The following PARD3 variants were observed in gnomAD, a reference collection of about 807,000 sequenced individuals.
PARD3 encodes the protein par-3 family cell polarity regulator, also known as partitioning defective 3 homolog.
Under a neutral mutation model 155.4 loss-of-function variants are expected in PARD3, and 75 were observed. The ratio of observed to expected loss-of-function variants is 0.48; its 90% CI spans 0.40 to 0.58. The LOEUF is 0.58. Among genes scored for constraint, PARD3 ranks in the 20% least tolerant of loss-of-function variants. PARD3 has a pLI of 0.00. For synonymous variants in PARD3, 576 were observed against 610.5 expected, an observed-to-expected ratio of 0.94 and a Z score of 0.83; for missense variants, 1,642 against 1,721.7, an observed-to-expected ratio of 0.95 and a Z score of 0.82.
intron 1 of PARD3, among the ~76,000 whole-genome samples, chr10:34,697,096 A>T (rs1407240996): frequency 3.1e-5 from 3 of 98,310 alleles, no homozygotes; most frequent in Non-Finnish European, 7.7e-5. Flanking sequence ...AGTGGGATTG[A>T]GGAGAAGGAA....
intron 2 of PARD3, among the ~76,000 whole-genome samples, chr10:34,526,249 T>C (rs2082474446): frequency 6.6e-6 from 1 of 151,872 alleles, no homozygotes; most frequent in South Asian, 2.1e-4. Flanking sequence ...AATCACAATG[T>C]TAAACGTTAG....
At chr10:34,305,794 A>G (rs1160988575) in intron 20 of PARD3, among the ~76,000 whole-genome samples, 1 of 152,154 alleles carries the variant, frequency 6.6e-6, no homozygotes, top group Non-Finnish European at 1.5e-5. Context: ...CCTGGGCAAT[A>G]AAGTGAGACC....
intron 14 of PARD3, among the ~76,000 whole-genome samples, chr10:34,348,764 A>G (rs1351260852): frequency 6.6e-6 from 1 of 152,218 alleles, no homozygotes; most frequent in Admixed American, 6.5e-5. Flanking sequence ...TGTACAGAAC[A>G]ATATGAAAAT....
rs568751533 is a variant in PARD3, at chr10:34,494,870, G to A, written c.403+22109C>T. 5.6e-4 allele frequency among the ~76,000 whole-genome samples: 85 copies of A among 152,168 alleles called. 1 individual carries two copies. Among genetic ancestry groups the A allele is most frequent in the African/African-American group, 1.7e-3 (72 of 41,510 alleles). On this transcript the variant is annotated intron_variant, in intron 3 of 24. Transcript: ENST00000374788. The stretch of plus-strand genomic sequence containing the variant: ...ACAGATCACTGATGAAGCCAGCTTT[G>A]GGAGATGAAATGTAGGATGCACTGG...
At chr10:34,694,226 C>A (rs566151616) in intron 2 of PARD3, among the ~76,000 whole-genome samples, 1 of 151,656 alleles carries the variant, frequency 6.6e-6, no homozygotes, top group African/African-American at 2.4e-5. Context: ...AAGATTGATA[C>A]GTTAATTCAT....
chr10:34,497,075 A>G (rs2080343588), intron 3 of PARD3, among the ~76,000 whole-genome samples: 1 of 152,152 alleles, frequency 6.6e-6, no homozygotes, highest in Non-Finnish European at 1.5e-5. Flanking sequence ...AATTTTCTGT[A>G]ATAAAAAATG....
intron 2 of PARD3, among the ~76,000 whole-genome samples, chr10:34,540,738 T>C (rs1256381684): frequency 6.6e-6 from 1 of 152,024 alleles, no homozygotes. Context: ...GCCATGACCA[T>C]GCCACTGTGT....
At chr10:34,347,393 T>G (rs930572582) in intron 15 of PARD3, among the ~76,000 whole-genome samples, 2 of 152,252 alleles carry the variant, frequency 1.3e-5, no homozygotes, top group African/African-American at 4.8e-5. Flanking sequence ...AGGATGGTAC[T>G]GAATCCAAAC....
intron 22 of PARD3, among the ~76,000 whole-genome samples, chr10:34,174,812 T>G (rs1450048022): frequency 2.0e-5 from 3 of 152,234 alleles, no homozygotes; most frequent in African/African-American, 7.2e-5. Context: ...TTGATTGTTC[T>G]TCTATATTAT....
At chr10:34,391,101 A>G (rs1842831547) in intron 7 of PARD3, among the ~76,000 whole-genome samples, 1 of 152,202 alleles carries the variant, frequency 6.6e-6, no homozygotes, top group Admixed American at 6.5e-5. Context: ...ACAATTAAAC[A>G]TGCCAAAGGA....
chr10:34,727,254 T>A (rs1482803909), intron 1 of PARD3, among the ~76,000 whole-genome samples: 2 of 152,118 alleles, frequency 1.3e-5, no homozygotes, highest in African/African-American at 4.8e-5. Flanking sequence ...ATGAACCCTA[T>A]CTAAGGAACA....
At chr10:34,752,431 C>A (rs1836162473) in intron 1 of PARD3, among the ~76,000 whole-genome samples, 2 of 152,016 alleles carry the variant, frequency 1.3e-5, no homozygotes, top group Non-Finnish European at 2.9e-5. Context: ...GCATTATGCA[C>A]TGACTACTGC....
chr10:34,111,233 G>A lies in PARD3; in HGVS notation c.3998C>T (p.Pro1333Leu). Residue 1333 changes from proline (P) to leucine (L), a missense_variant, in exon 25 of 25, where the codon CCT becomes CTT. Pro to Leu is a moderately conservative substitution (Grantham distance 98). Around this residue, in one of 3 missense-constraint regions of PARD3, gnomAD observed 1,529 missense variants for 1,587.3 expected, o/e 0.96. Coordinates refer to ENST00000374788, the MANE Select transcript of PARD3 (RefSeq NM_001184785.2). ...GPFRQDVPPS[P>L]SQVARLNRLQ... is the part of the protein sequence containing the mutation. ...TCTGTTCAGCCTCGCAACCTGAGAA[G>A]GGGAGGGGGGCACATCTTGCCGGAA... is the stretch of plus-strand genomic sequence containing the variant. The A allele has an allele frequency of 1.2e-6, 2 of 1,610,906 alleles. No homozygotes were observed. The highest frequency in any genetic ancestry group is 8.5e-7 in the Non-Finnish European group (1 of 1,177,476).
intron 3 of PARD3, among the ~76,000 whole-genome samples, chr10:34,516,082 A>G (rs1045863796): frequency 6.6e-6 from 1 of 151,834 alleles, no homozygotes; most frequent in African/African-American, 2.4e-5. Context: ...CTCCTGTTTC[A>G]GCCTCCCAAG....
At position 34,450,454 on chromosome 10, in the gene PARD3, C is replaced by A. The variant is rs1393441254; in HGVS notation, c.583-6G>T. 3 of 1,597,334 alleles carry A rather than the reference C, an allele frequency of 1.9e-6. No individual in the cohort carries two copies. Among genetic ancestry groups the A allele is most frequent in the Admixed American group, 1.8e-5 (1 of 55,616 alleles). The stretch of plus-strand genomic sequence containing the variant: ...CTTCTGTAGTTTTCATCTTTCTATT[C>A]AAAAAGAAACAAAAAGGTGTCTTGT... On this transcript the variant is annotated splice_polypyrimidine_tract_variant and splice_region_variant and intron_variant, in intron 4 of 24. Transcript: ENST00000374788.
intron 5 of PARD3, among the ~76,000 whole-genome samples, chr10:34,403,343 A>G (rs953375622): frequency 2.0e-5 from 3 of 152,190 alleles, no homozygotes; most frequent in African/African-American, 7.2e-5. Context: ...TAGGACAGGA[A>G]GTCCAACACT....
intron 2 of PARD3, among the ~76,000 whole-genome samples, chr10:34,653,297 T>C (rs1432844032): frequency 6.6e-6 from 1 of 152,132 alleles, no homozygotes; most frequent in African/African-American, 2.4e-5. Flanking sequence ...GTGATGTCCT[T>C]CTAGAGCCCC....
chr10:34,115,858 G>A (rs188591526), intron 24 of PARD3, among the ~76,000 whole-genome samples: 14 of 151,794 alleles, frequency 9.2e-5, no homozygotes, highest in South Asian at 4.2e-4. Flanking sequence ...GACTACACGC[G>A]CCCACCACCA....
At chr10:34,216,559 T>C (rs900939430) in intron 22 of PARD3, among the ~76,000 whole-genome samples, 4 of 152,192 alleles carry the variant, frequency 2.6e-5, no homozygotes, top group South Asian at 2.1e-4. Context: ...CCCAGATCAA[T>C]AGACATGTCA....
Sources: allele counts gnomAD v4.1 joint callset (sites outside exome capture counted in the v4.1 genomes callset), GRCh38; gene constraint gnomAD v4.1.1; regional missense constraint gnomAD v4.1.1; transcripts MANE v1.5; gene names NCBI Gene and HGNC (gene_info 2026-07-23, HGNC 2026-07-21).